TP73: variants seen among roughly 807,000 people sequenced by gnomAD.
TP73 encodes tumor protein p73.
TP73 carries 25 observed loss-of-function variants against 62.5 expected under a neutral mutation model. That is an observed-to-expected ratio of 0.40 (90% confidence interval 0.29 to 0.56). The LOEUF (loss-of-function observed/expected upper bound fraction) is 0.56. Ranked by LOEUF, TP73 falls within the 20% of genes least tolerant of loss-of-function variation. TP73 has a pLI of 0.46. For synonymous variants in TP73, 423 were observed against 377.5 expected (o/e 1.12, Z -1.40); for missense variants, 754 against 913.3 (o/e 0.83, Z 2.25).
rs1403981122 is a variant in TP73 at position 3,727,165 on chromosome 1, C to T, written c.783C>T (p.Ser261=). 6.2e-7 allele frequency: 1 copy of T among 1,612,186 alleles called. No individual in the cohort carries two copies. Among genetic ancestry groups the T allele is most frequent in the South Asian group, 1.1e-5 (1 of 91,082 alleles). The change falls in exon 7 of 14, where the codon AGC becomes AGT. Residue 261 remains serine, a synonymous_variant. Coordinates refer to ENST00000378295, the MANE Select transcript of TP73 (RefSeq NM_005427.4). ...TILYNFMCNS[S]CVGGMNRRPI... is the part of the protein sequence containing the mutation. ...TGTACAACTTCATGTGTAACAGCAG[C>T]TGTGTAGGGGGCATGAACCGGCGGC...
chr1:3,725,011 T>C (rs1275696194), intron 6 of TP73, among the ~76,000 whole-genome samples: 2 of 149,040 alleles, frequency 1.3e-5, no homozygotes, highest in Non-Finnish European at 3.0e-5. Flanking sequence ...AGAGAGAGAC[T>C]CCGTCTCAAA....
Position 3,707,696 on chromosome 1 carries a change from G to A in TP73, c.334G>A (p.Ala112Thr). The change falls in exon 4 of 14, where the codon GCG (alanine) becomes ACG (threonine). Residue 112 changes from alanine to threonine, a missense_variant. Ala to Thr is a moderately conservative substitution (Grantham distance 58). Transcript: ENST00000378295. ...CTCCACCTTCGACACCATGTCGCCG[G>A]CGCCTGTCATCCCCTCCAACACCGA... ...PSSTFDTMSPAPVIPSNTDYP... is the reference protein window; with the variant it reads ...PSSTFDTMSPTPVIPSNTDYP... 6.2e-7 allele frequency: 1 copy of A among 1,613,230 alleles called. No homozygotes were observed. The highest frequency in any genetic ancestry group is 8.5e-7 in the Non-Finnish European group (1 of 1,179,954).
intron 10 of TP73, chr1:3,729,687 A>G (rs1417165167): frequency 1.2e-6 from 1 of 825,168 alleles, no homozygotes; most frequent in Admixed American, 1.9e-5. Flanking sequence ...GGGGCCTTGT[A>G]AATGTCTGCT....
chr1:3,731,201 G>A (rs1452057013), intron 12 of TP73, 136 bp downstream of exon 12: 3 of 1,296,250 alleles, frequency 2.3e-6, no homozygotes, highest in Non-Finnish European at 2.1e-6. Flanking sequence ...GCGGGCGGGG[G>A]CAGTCAGGCC....
intron 4 of TP73, among the ~76,000 whole-genome samples, chr1:3,715,487 G>A (rs1362054133): frequency 6.6e-6 from 1 of 152,224 alleles, no homozygotes; most frequent in Non-Finnish European, 1.5e-5. Context: ...TGGTCTGGGT[G>A]CTGGTCCACC....
In TP73 at chr1:3,696,371, A is replaced by G. The variant is rs1638656575; in HGVS notation, c.187-11178A>G. 6.6e-6 allele frequency among the ~76,000 whole-genome samples: 1 copy of G among 152,092 alleles called. No homozygotes were observed. Among genetic ancestry groups the G allele is most frequent in the South Asian group, 2.1e-4 (1 of 4,818 alleles). ...GGTAAGGAGTTGGGGCCACACTGGC[A>G]GGAGCGGCCATGTGGACACTCAGTT... On this transcript the variant is annotated intron_variant, in intron 3 of 13. Coordinates refer to ENST00000378295, the MANE Select transcript of TP73 (RefSeq NM_005427.4). This position sits in a 1 kb window ranked among gnomAD's most constrained non-coding sequence, Gnocchi z 4.1.
At chr1:3,731,636 C>T (rs1557592880) in intron 13 of TP73, 80 bp downstream of exon 13, 1 of 1,314,586 alleles carries the variant, frequency 7.6e-7, no homozygotes. Flanking sequence ...CCTTCTCTTC[C>T]TTGCTCTCGT....
At chr1:3,689,986 C>T (rs3765725) in intron 3 of TP73, among the ~76,000 whole-genome samples, 111,883 of 152,106 alleles carry the variant, frequency 0.74, 42,414 homozygotes, top group Non-Finnish European at 0.84. Context: ...CCCCACTAGA[C>T]GGGTGCGGGG....
chr1:3,669,207 CGGG>C (rs1281418299), intron 1 of TP73, among the ~76,000 whole-genome samples: 3 of 152,202 alleles, frequency 2.0e-5, no homozygotes, highest in Non-Finnish European at 4.4e-5. Context: ...CGGCCTGAGT[CGGG>C]GGGAGTCTCC....
chr1:3,664,469 TC>T (rs5772115), intron 1 of TP73, among the ~76,000 whole-genome samples: 6,853 of 152,212 alleles, frequency 0.045, 263 homozygotes, highest in East Asian at 0.16. Flanking sequence ...TTTCACTGGG[TC>T]CTTTGGAAAG....
Position 3,682,331 on chromosome 1 carries a change from A to G in TP73, c.-33-2A>G. 1 of 1,485,618 alleles carries G rather than the reference A, an allele frequency of 6.7e-7. No homozygotes were observed. Among genetic ancestry groups the G allele is most frequent in the Admixed American group, 2.1e-5 (1 of 46,638 alleles). The allele number at this position is 1,485,618 out of a possible 1,614,324, so 92.0% of individuals were successfully genotyped here. A position where few individuals can be genotyped will look rare whatever the true frequency, so the allele number is the denominator to read the frequency against. Reference sequence around the variant, plus strand: ...TCAGGTGTCATTCCTTCCTTCCTGCAGAGCGAGCTGCCCTCGGAGGCCGGC... The same window carrying G: ...TCAGGTGTCATTCCTTCCTTCCTGCGGAGCGAGCTGCCCTCGGAGGCCGGC... On this transcript the variant is annotated splice_acceptor_variant, in intron 1 of 13. Coordinates refer to ENST00000378295, the MANE Select transcript of TP73 (RefSeq NM_005427.4). LOFTEE classifies it low-confidence loss of function (5UTR_SPLICE).
chr1:3,703,801 C>A (rs1000105494), intron 3 of TP73, among the ~76,000 whole-genome samples: 1 of 152,210 alleles, frequency 6.6e-6, no homozygotes, highest in Non-Finnish European at 1.5e-5. Context: ...ACCTGAGAAG[C>A]CTCAGCTGGG....
At chr1:3,718,171 G>A (rs1390578673) in intron 4 of TP73, among the ~76,000 whole-genome samples, 2 of 152,170 alleles carry the variant, frequency 1.3e-5, no homozygotes, top group Admixed American at 6.6e-5. Context: ...CGCCTGCACC[G>A]AGTACCAGGG....
intron 4 of TP73, among the ~76,000 whole-genome samples, chr1:3,709,541 G>A (rs540949486): frequency 2.0e-5 from 3 of 152,316 alleles, no homozygotes; most frequent in South Asian, 4.1e-4. Flanking sequence ...GAGTGGTTCC[G>A]TGGCAGCTGC....
rs180808447 is a variant in TP73, at chr1:3,653,055, G to A, written c.-34+414G>A. Among the ~76,000 whole-genome samples, 1,184 of 152,256 alleles carry A rather than the reference G, an allele frequency of 7.8e-3. 16 individuals carry two copies. The highest frequency in any genetic ancestry group is 0.027 in the African/African-American group (1,119 of 41,540). On this transcript the variant is annotated intron_variant, in intron 1 of 13. Transcript: ENST00000378295. Reference sequence around the variant, plus strand: ...GGAAATCGCCAGCAAGCTCCTCCCCGCCCGCGCGCTCCCTCCGACCTGCAG... The same window carrying A: ...GGAAATCGCCAGCAAGCTCCTCCCCACCCGCGCGCTCCCTCCGACCTGCAG...
intron 12 of TP73, 90 bp downstream of exon 12, chr1:3,731,155 C>G: frequency 6.6e-7 from 1 of 1,519,966 alleles, no homozygotes; most frequent in Non-Finnish European, 8.9e-7. Context: ...CTGCCCCACC[C>G]TGTGTGCTCA....
In TP73 at chr1:3,683,153, C is replaced by T; in HGVS notation, c.159C>T (p.His53=). The change falls in exon 3 of 14, where the codon CAC becomes CAT. Residue 53 remains histidine (H), a synonymous_variant. Coordinates refer to ENST00000378295, the MANE Select transcript of TP73 (RefSeq NM_005427.4). ...GGTDSSMDVF[H]LEGMTTSVMA... Reference sequence around the variant, plus strand: ...CGGATTCCAGCATGGACGTCTTCCACCTGGAGGGCATGACTACATCTGTCA... The same window carrying T: ...CGGATTCCAGCATGGACGTCTTCCATCTGGAGGGCATGACTACATCTGTCA... 2 of 1,611,986 alleles carry T rather than the reference C, an allele frequency of 1.2e-6. No homozygotes were observed. Among genetic ancestry groups the T allele is most frequent in the Non-Finnish European group, 1.7e-6 (2 of 1,178,738 alleles).
At chr1:3,664,543 G>A (rs1645069279) in intron 1 of TP73, among the ~76,000 whole-genome samples, 1 of 152,214 alleles carries the variant, frequency 6.6e-6, no homozygotes, top group South Asian at 2.1e-4. Context: ...ATGACTTCCT[G>A]GCTCCATTTT....
intron 4 of TP73, among the ~76,000 whole-genome samples, chr1:3,712,737 G>T (rs574087161): frequency 2.0e-5 from 3 of 152,184 alleles, no homozygotes; most frequent in Non-Finnish European, 4.4e-5. Context: ...TTGCCCCTAT[G>T]TGCAGGGCCT....
Sources: allele counts gnomAD v4.1 joint callset (sites outside exome capture counted in the v4.1 genomes callset), GRCh38; gene constraint gnomAD v4.1.1; non-coding constraint Gnocchi (gnomAD v3.1); transcripts MANE v1.5; gene names NCBI Gene and HGNC (gene_info 2026-07-23, HGNC 2026-07-21).